Variants in MDGA2 observed in about 807,000 individuals in gnomAD.
The protein encoded by MDGA2 is MAM domain containing glycosylphosphatidylinositol anchor 2.
A neutral mutation model predicts 117.8 loss-of-function variants in MDGA2; 40 were observed. The observed-to-expected ratio is 0.34, with a 90% confidence interval of 0.26 to 0.44. The LOEUF (loss-of-function observed/expected upper bound fraction) is 0.44, where lower values mean the gene tolerates loss of function less well. Ranked by LOEUF, MDGA2 falls within the 20% of genes least tolerant of loss-of-function variation. The probability of loss-of-function intolerance (pLI) is 1.00; values close to 1 mark genes in which losing one functional copy is unlikely to be tolerated. For missense variants in MDGA2, 1,123 were observed against 1,250.6 expected (o/e 0.90, Z 1.54); for synonymous variants, 452 against 439.0 (o/e 1.03, Z -0.37).
intron 6 of MDGA2, among the ~76,000 whole-genome samples, chr14:47,083,053 G>A (rs1449598276): frequency 1.3e-5 from 2 of 151,156 alleles, no homozygotes; most frequent in Admixed American, 1.3e-4. Context: ...AGAACAAGGA[G>A]GAAAAATTAG....
At chr14:47,076,470 A>G (rs573772285) in intron 6 of MDGA2, among the ~76,000 whole-genome samples, 8 of 152,150 alleles carry the variant, frequency 5.3e-5, no homozygotes, top group Admixed American at 1.3e-4. Flanking sequence ...GGGCTGCTGA[A>G]AGTACAATGC....
At chr14:47,563,784 T>G (rs1019391269) in intron 1 of MDGA2, among the ~76,000 whole-genome samples, 3 of 152,020 alleles carry the variant, frequency 2.0e-5, no homozygotes, top group African/African-American at 7.3e-5. Context: ...ATATACAGAT[T>G]TGTTCCTGTC....
chr14:47,560,898 A>G (rs1895786511), intron 1 of MDGA2, among the ~76,000 whole-genome samples: 1 of 152,118 alleles, frequency 6.6e-6, no homozygotes, highest in African/African-American at 2.4e-5. Context: ...GTTCAGTTTC[A>G]ATCTTCTGCA....
chr14:47,524,230 T>C (rs1297937112), intron 1 of MDGA2, among the ~76,000 whole-genome samples: 1 of 148,242 alleles, frequency 6.7e-6, no homozygotes, highest in Non-Finnish European at 1.5e-5. Context: ...CCTATTAGAC[T>C]GAGTAGGAGA....
At chr14:47,329,699 C>T (rs772388426) in intron 1 of MDGA2, among the ~76,000 whole-genome samples, 1 of 151,822 alleles carries the variant, frequency 6.6e-6, no homozygotes, top group East Asian at 1.9e-4. Context: ...AATAAAAATG[C>T]CAGGTGTTGA....
intron 5 of MDGA2, among the ~76,000 whole-genome samples, chr14:47,130,103 C>G (rs1882127525): frequency 6.6e-6 from 1 of 151,572 alleles, no homozygotes; most frequent in South Asian, 2.1e-4. Context: ...TTAATTAGAT[C>G]CCATTTGTCA....
chr14:46,890,327 G>A (rs1296849011), intron 10 of MDGA2, among the ~76,000 whole-genome samples: 1 of 152,042 alleles, frequency 6.6e-6, no homozygotes, highest in Non-Finnish European at 1.5e-5. Context: ...TAATGAGAGA[G>A]CAGTTAATAA....
intron 1 of MDGA2, among the ~76,000 whole-genome samples, chr14:47,410,274 T>C (rs1892345591): frequency 6.6e-6 from 1 of 152,136 alleles, no homozygotes; most frequent in South Asian, 2.1e-4. Context: ...TGATAAAATA[T>C]GGGAGAGTGA....
chr14:47,225,101 A>G (rs1886437700), intron 2 of MDGA2, among the ~76,000 whole-genome samples: 1 of 152,152 alleles, frequency 6.6e-6, no homozygotes, highest in South Asian at 2.1e-4. Context: ...GCAAATCAAA[A>G]CCACAATGAG....
chr14:47,066,723 G>GGAGA (rs1555348853), intron 6 of MDGA2, among the ~76,000 whole-genome samples: 2 of 151,440 alleles, frequency 1.3e-5, no homozygotes, highest in African/African-American at 2.4e-5. Context: ...TTGATAATCT[G>GGAGA]AAGATGGAAG....
At chr14:46,960,714 T>C (rs527381818) in intron 8 of MDGA2, among the ~76,000 whole-genome samples, 1 of 146,974 alleles carries the variant, frequency 6.8e-6, no homozygotes, top group Non-Finnish European at 1.5e-5. Flanking sequence ...TATATGTACA[T>C]GAAATATAAT....
At chr14:47,260,798 T>G (rs1177980468) in intron 2 of MDGA2, among the ~76,000 whole-genome samples, 1 of 152,050 alleles carries the variant, frequency 6.6e-6, no homozygotes, top group African/African-American at 2.4e-5. Flanking sequence ...AACCTACATT[T>G]TCAGGATACC....
intron 10 of MDGA2, among the ~76,000 whole-genome samples, chr14:46,919,802 T>C (rs1452550187): frequency 6.6e-6 from 1 of 152,196 alleles, no homozygotes; most frequent in Admixed American, 6.5e-5. Context: ...GTGAAAAATA[T>C]GTAATTTCAA....
chr14:47,535,334 G>T (rs527263920), intron 1 of MDGA2, among the ~76,000 whole-genome samples: 2 of 152,306 alleles, frequency 1.3e-5, no homozygotes, highest in East Asian at 3.9e-4. Flanking sequence ...GCAGATGTAA[G>T]TTAGGTACTA....
At chr14:47,396,073 T>G (rs951740767) in intron 1 of MDGA2, among the ~76,000 whole-genome samples, 7 of 152,338 alleles carry the variant, frequency 4.6e-5, no homozygotes, top group African/African-American at 1.7e-4. Context: ...TGTGCACTAA[T>G]AGTCATGAGG....
chr14:47,350,303 T>G (rs1209956202), intron 1 of MDGA2, among the ~76,000 whole-genome samples: 1 of 152,142 alleles, frequency 6.6e-6, no homozygotes, highest in African/African-American at 2.4e-5. Flanking sequence ...TGCTCTCATT[T>G]TCTGGGTGGA....
At chr14:46,995,075 GA>G (rs1887238386) in intron 8 of MDGA2, among the ~76,000 whole-genome samples, 1 of 152,044 alleles carries the variant, frequency 6.6e-6, no homozygotes, top group African/African-American at 2.4e-5. Flanking sequence ...AAAATTTAAT[GA>G]GTAAAATAGC....
Position 47,122,457 on chromosome 14 carries a change from G to C in MDGA2, c.925+9257C>G, listed in dbSNP as rs138769811. ...TCCCAGGATGTGGGACTTCCAGTGA[G>C]TCCAAGGCAAATTAGGATGGTTGCC... On this transcript the variant is annotated intron_variant, in intron 5 of 16. Coordinates refer to ENST00000399232, the MANE Select transcript of MDGA2 (RefSeq NM_001113498.3). 6.7e-3 allele frequency among the ~76,000 whole-genome samples: 1,014 copies of C among 152,194 alleles called. 12 individuals carry two copies. The highest frequency in any genetic ancestry group is 0.023 in the African/African-American group (975 of 41,560).
intron 1 of MDGA2, among the ~76,000 whole-genome samples, chr14:47,381,489 G>A (rs36144005): frequency 0.29 from 44,300 of 151,894 alleles, 6,800 homozygotes; most frequent in Middle Eastern, 0.41. Context: ...AATCTCCTTA[G>A]GCTGATAAGC....
Sources: allele counts gnomAD v4.1 joint callset (sites outside exome capture counted in the v4.1 genomes callset), GRCh38; gene constraint gnomAD v4.1.1; transcripts MANE v1.5; gene names NCBI Gene and HGNC (gene_info 2026-07-23, HGNC 2026-07-21).